DMD: variants seen among roughly 807,000 people sequenced by gnomAD.
The protein encoded by DMD is mutant dystrophin.
In DMD, 63 loss-of-function variants were observed where a neutral mutation model predicts 330.1. That is an observed-to-expected ratio of 0.19 (90% confidence interval 0.16 to 0.24). The LOEUF is 0.24. Ranked by LOEUF, DMD falls within the 10% of genes least tolerant of loss-of-function variation. DMD has a pLI of 1.00. For missense variants in DMD, 3,344 were observed against 2,684.1 expected (o/e 1.25, Z -5.43); for synonymous variants, 1,223 against 959.8 (o/e 1.27, Z -5.07).
At chrX:32,674,988 TTAAA>T (rs2061876280) in intron 9 of DMD, among the ~76,000 whole-genome samples, 1 of 111,631 alleles carries the variant, frequency 9.0e-6, no homozygotes, top group Non-Finnish European at 1.9e-5. Flanking sequence ...TAATAAATCC[TTAAA>T]TAATCAACAA....
At chrX:32,121,827 GCA>G (rs2096637903) in intron 44 of DMD, among the ~76,000 whole-genome samples, 1 of 106,645 alleles carries the variant, frequency 9.4e-6, no homozygotes, top group Non-Finnish European at 1.9e-5. Flanking sequence ...TCTTGACAGA[GCA>G]CAGACAACAG....
chrX:32,981,798 T>C (rs2092713817), intron 2 of DMD, among the ~76,000 whole-genome samples: 1 of 111,134 alleles, frequency 9.0e-6, no homozygotes, highest in Admixed American at 9.7e-5. Flanking sequence ...TGTGAATGTA[T>C]GTGGGGGTAT....
rs190518909 is a variant in DMD at position 32,073,066 on chromosome X, G to C, written c.6439-104552C>G. Among the ~76,000 whole-genome samples, 3 of 111,819 alleles carry C rather than the reference G, an allele frequency of 2.7e-5. 1 individual carries two copies. The highest frequency in any genetic ancestry group is 1.9e-4 in the Admixed American group (2 of 10,513). ...AACACAAGGCCAGTCTGCTAAATTCGTATGTTGCAAAAACGTACTTACTAC... is the reference window on the plus strand; with the variant it reads ...AACACAAGGCCAGTCTGCTAAATTCCTATGTTGCAAAAACGTACTTACTAC... On this transcript the variant is annotated intron_variant, in intron 44 of 78. Coordinates refer to ENST00000357033, the MANE Select transcript of DMD (RefSeq NM_004006.3).
In DMD at chrX:32,378,474, A is replaced by C. The variant is rs867164399; in HGVS notation, c.4845+2036T>G. On this transcript the variant is annotated intron_variant, in intron 34 of 78. Transcript: ENST00000357033. The stretch of plus-strand genomic sequence containing the variant: ...GATACTATTTAACTATAGTCAATGT[A>C]CTTGAAATTATGCTTTGTTTGGATA... 4.5e-5 allele frequency among the ~76,000 whole-genome samples: 5 copies of C among 110,241 alleles called. No individual in the cohort carries two copies. In the South Asian group the frequency reaches 1.9e-3, roughly 41 times the overall value.
chrX:31,497,708 G>T (rs752064690), intron 56 of DMD, among the ~76,000 whole-genome samples: 1 of 112,080 alleles, frequency 8.9e-6, no homozygotes, highest in African/African-American at 3.2e-5. Flanking sequence ...TGAATGATCT[G>T]TGCTATAAAA....
intron 13 of DMD, among the ~76,000 whole-genome samples, chrX:32,585,118 C>T (rs1435765658): frequency 9.0e-6 from 1 of 110,770 alleles, no homozygotes; most frequent in Non-Finnish European, 1.9e-5. Flanking sequence ...TTCTCATTCA[C>T]ATGTGGGAGC....
Position 32,673,115 on chromosome X carries a change from T to A in DMD, c.960+24755A>T, listed in dbSNP as rs149316131. On this transcript the variant is annotated intron_variant, in intron 9 of 78. Coordinates refer to ENST00000357033, the MANE Select transcript of DMD (RefSeq NM_004006.3). Reference sequence around the variant, plus strand: ...TCTTGAGAAGAGTTTTCCATTATTGTACCAAACATCATTCTAGTTTATATG... The same window carrying A: ...TCTTGAGAAGAGTTTTCCATTATTGAACCAAACATCATTCTAGTTTATATG... Among the ~76,000 whole-genome samples the A allele has an allele frequency of 6.9e-3, 763 of 111,357 alleles. 7 individuals are homozygous for A. Among genetic ancestry groups the A allele is most frequent in the African/African-American group, 0.023 (701 of 30,723 alleles).
At chrX:32,773,449 A>C (rs2073830417) in intron 7 of DMD, among the ~76,000 whole-genome samples, 1 of 110,697 alleles carries the variant, frequency 9.0e-6, no homozygotes, top group Non-Finnish European at 1.9e-5. Context: ...ATTATTGGTA[A>C]CTATAATCAC....
intron 57 of DMD, among the ~76,000 whole-genome samples, chrX:31,481,840 G>A (rs1428694568): frequency 9.0e-6 from 1 of 111,360 alleles, no homozygotes; most frequent in Non-Finnish European, 1.9e-5. Flanking sequence ...CCATACCTTG[G>A]AGACATTTCC....
chrX:32,153,817 C>T (rs1462007169), intron 44 of DMD, among the ~76,000 whole-genome samples: 2 of 111,922 alleles, frequency 1.8e-5, no homozygotes, highest in African/African-American at 3.2e-5. Flanking sequence ...AATGAACGTG[C>T]GCACCTGGTA....
intron 44 of DMD, among the ~76,000 whole-genome samples, chrX:31,990,791 A>C (rs1177694049): frequency 8.9e-6 from 1 of 112,273 alleles, no homozygotes; most frequent in African/African-American, 3.2e-5. Flanking sequence ...ATCTGAATTA[A>C]AATAAATATA....
chrX:31,130,477 C>G (rs140524252), intron 77 of DMD, among the ~76,000 whole-genome samples: 2,399 of 111,746 alleles, frequency 0.021, 67 homozygotes, highest in African/African-American at 0.073. Flanking sequence ...CTCAAATCTC[C>G]CAAGTGTTTG....
intron 1 of DMD, among the ~76,000 whole-genome samples, chrX:33,143,852 G>A (rs1285373225): frequency 1.8e-5 from 2 of 110,978 alleles, no homozygotes; most frequent in African/African-American, 6.6e-5. Flanking sequence ...AATCAACACC[G>A]ATAATACAGG....
At chrX:32,992,557 A>C (rs1347660315) in intron 2 of DMD, among the ~76,000 whole-genome samples, 1 of 111,892 alleles carries the variant, frequency 8.9e-6, no homozygotes, top group East Asian at 2.8e-4. Context: ...GAATTCCTGA[A>C]TGATACTCAC....
At chrX:32,356,863 T>C (rs1203728996) in intron 37 of DMD, among the ~76,000 whole-genome samples, 1 of 111,934 alleles carries the variant, frequency 8.9e-6, no homozygotes, top group African/African-American at 3.2e-5. Flanking sequence ...AAAATATAAC[T>C]TGATGCATAT....
intron 19 of DMD, among the ~76,000 whole-genome samples, chrX:32,497,198 T>C (rs1326545101): frequency 9.0e-6 from 1 of 111,623 alleles, no homozygotes; most frequent in East Asian, 2.8e-4. Flanking sequence ...GAAAAAAAGA[T>C]AGTTACTTGG....
At position 33,038,814 on chromosome X, in the gene DMD, G is replaced by A. The variant is rs1380401970; in HGVS notation, c.32-18614C>T. Among the ~76,000 whole-genome samples the A allele has an allele frequency of 3.6e-5, 4 of 110,470 alleles. No homozygotes were observed. In the East Asian group the frequency reaches 8.6e-4, roughly 24 times the overall value. The stretch of plus-strand genomic sequence containing the variant: ...TCGAGACCAGCTTGGCCAACATGGC[G>A]AAACCCCGTCTCTACTAAAAAACAC... On this transcript the variant is annotated intron_variant, in intron 1 of 78. Coordinates refer to ENST00000357033, the MANE Select transcript of DMD (RefSeq NM_004006.3).
chrX:31,589,891 C>G (rs1421322672), intron 55 of DMD, among the ~76,000 whole-genome samples: 1 of 111,095 alleles, frequency 9.0e-6, no homozygotes, highest in African/African-American at 3.3e-5. Context: ...ACTTGTACCT[C>G]ATAAATTTAT....
intron 30 of DMD, among the ~76,000 whole-genome samples, chrX:32,397,107 G>C (rs529932325): frequency 1.8e-5 from 2 of 111,341 alleles, no homozygotes; most frequent in African/African-American, 6.5e-5. Flanking sequence ...TAAAATTGTG[G>C]AAGAAAACAT....
Sources: allele counts gnomAD v4.1 joint callset (sites outside exome capture counted in the v4.1 genomes callset), GRCh38; gene constraint gnomAD v4.1.1; transcripts MANE v1.5; gene names NCBI Gene and HGNC (gene_info 2026-07-23, HGNC 2026-07-21).